The following SCAMP1 variants were observed in gnomAD, a reference collection of about 807,000 sequenced individuals.
SCAMP1 encodes the protein secretory carrier membrane protein 1, also known as secretory carrier-associated membrane protein 1.
A neutral mutation model predicts 41.8 loss-of-function variants in SCAMP1; 15 were observed. The ratio of observed to expected loss-of-function variants is 0.36; its 90% confidence interval spans 0.24 to 0.55. The LOEUF is 0.55. Ranked by LOEUF, SCAMP1 falls within the 20% of genes least tolerant of loss-of-function variation. SCAMP1 has a pLI of 0.86. For missense variants in SCAMP1, 341 were observed against 412.6 expected, an observed-to-expected ratio of 0.83 and a Z score of 1.50; for synonymous variants, 135 against 136.8, an observed-to-expected ratio of 0.99 and a Z score of 0.09.
chr5:78,412,366 G>C (rs996578697), intron 2 of SCAMP1, among the ~76,000 whole-genome samples: 3 of 150,546 alleles, frequency 2.0e-5, no homozygotes, highest in African/African-American at 7.3e-5. Flanking sequence ...CTTTATAGTT[G>C]TTTTTTGTCT....
intron 1 of SCAMP1, among the ~76,000 whole-genome samples, chr5:78,367,751 C>G (rs1750835474): frequency 6.6e-6 from 1 of 152,190 alleles, no homozygotes. Context: ...ACTAGACACT[C>G]CCATTCAAAT....
intron 2 of SCAMP1, among the ~76,000 whole-genome samples, chr5:78,414,926 A>G (rs1409841639): frequency 6.7e-6 from 1 of 149,712 alleles, no homozygotes; most frequent in African/African-American, 2.5e-5. Flanking sequence ...GTCTGGTTCT[A>G]TCTGTATTTT....
chr5:78,386,728 G>A (rs1751350996), intron 1 of SCAMP1, among the ~76,000 whole-genome samples: 1 of 152,024 alleles, frequency 6.6e-6, no homozygotes, highest in Admixed American at 6.6e-5. Flanking sequence ...GCTTAGTTTT[G>A]CTGGATACAG....
At chr5:78,368,622 T>C (rs1750858731) in intron 1 of SCAMP1, among the ~76,000 whole-genome samples, 1 of 152,196 alleles carries the variant, frequency 6.6e-6, no homozygotes. Context: ...TTCTTCTCAA[T>C]TGCAAGTGCA....
At chr5:78,382,500 G>A (rs1167773408) in intron 1 of SCAMP1, among the ~76,000 whole-genome samples, 2 of 152,104 alleles carry the variant, frequency 1.3e-5, no homozygotes, top group Non-Finnish European at 2.9e-5. Flanking sequence ...TGATTTCTGA[G>A]ATTTTGGTGC....
chr5:78,429,996 T>C (rs1415971482), intron 6 of SCAMP1, among the ~76,000 whole-genome samples: 2 of 151,544 alleles, frequency 1.3e-5, no homozygotes, highest in African/African-American at 2.4e-5. Flanking sequence ...GATTTTAGGT[T>C]AGACTAGTAT....
intron 1 of SCAMP1, among the ~76,000 whole-genome samples, chr5:78,381,819 G>A (rs1336480673): frequency 6.6e-6 from 1 of 152,194 alleles, no homozygotes; most frequent in Non-Finnish European, 1.5e-5. Flanking sequence ...TTTCTCATAT[G>A]AATTTATAAG....
At chr5:78,375,423 A>G (rs1381601497) in intron 1 of SCAMP1, among the ~76,000 whole-genome samples, 2 of 152,090 alleles carry the variant, frequency 1.3e-5, no homozygotes, top group Admixed American at 6.5e-5. Flanking sequence ...AAGAAAAGAT[A>G]CAGAACCCAA....
At chr5:78,408,662 A>G (rs1382042828) in intron 2 of SCAMP1, among the ~76,000 whole-genome samples, 1 of 152,104 alleles carries the variant, frequency 6.6e-6, no homozygotes, top group African/African-American at 2.4e-5. Flanking sequence ...GTGTAGTGGC[A>G]TGATCTTGGC....
chr5:78,422,441 A>G (rs1752360842), intron 6 of SCAMP1, among the ~76,000 whole-genome samples: 1 of 152,132 alleles, frequency 6.6e-6, no homozygotes, highest in Admixed American at 6.5e-5. Flanking sequence ...TTTCAAAGGC[A>G]GCACCATTTT....
rs3058233 is a variant in SCAMP1, at chr5:78,404,453, G to GTTTTTTTTTTTTTTTTTTTTTTTTTT, written c.136-11047_136-11046insTTTTTTTTTTTTTTTTTTTTTTTTTT. ...TGAGCCACTGTGCCCAGCCTTACAGGTTTTTTTTTTTTTTTTTTTTGCTAG... is the reference window on the plus strand; with the variant it reads ...TGAGCCACTGTGCCCAGCCTTACAGGTTTTTTTTTTTTTTTTTTTTTTTTTTTTTTTTTTTTTTTTTTTTTTGCTAG... On this transcript the variant is annotated intron_variant, in intron 2 of 8. Transcript: ENST00000621999. Among the ~76,000 whole-genome samples, 13 of 98,176 alleles carry GTTTTTTTTTTTTTTTTTTTTTTTTTT rather than the reference G, an allele frequency of 1.3e-4. 2 individuals are homozygous for GTTTTTTTTTTTTTTTTTTTTTTTTTT. Among genetic ancestry groups the GTTTTTTTTTTTTTTTTTTTTTTTTTT allele is most frequent in the African/African-American group, 5.4e-4 (12 of 22,234 alleles). The allele number at this position is 98,176 out of a possible 152,430, so 64.4% of individuals were successfully genotyped here.
chr5:78,361,581 A>C (rs1217893993), intron 1 of SCAMP1, among the ~76,000 whole-genome samples: 1 of 152,234 alleles, frequency 6.6e-6, no homozygotes, highest in African/African-American at 2.4e-5. Flanking sequence ...CCTGCAAAGG[A>C]AGGCGGCTGA....
At chr5:78,417,589 C>G (rs1424867659) in intron 4 of SCAMP1, among the ~76,000 whole-genome samples, 2 of 152,106 alleles carry the variant, frequency 1.3e-5, no homozygotes, top group Admixed American at 1.3e-4. Flanking sequence ...AGTACTTTTC[C>G]CCTCTTAACT....
At chr5:78,422,284 A>G (rs951166537) in intron 6 of SCAMP1, among the ~76,000 whole-genome samples, 4 of 148,722 alleles carry the variant, frequency 2.7e-5, no homozygotes. Context: ...TGCCCACCCC[A>G]CCTCCCAAAT....
intron 6 of SCAMP1, among the ~76,000 whole-genome samples, chr5:78,425,314 C>T (rs1752442381): frequency 6.6e-6 from 1 of 152,104 alleles, no homozygotes; most frequent in Non-Finnish European, 1.5e-5. Context: ...GAACTGTGAG[C>T]CCACTGGTCA....
intron 2 of SCAMP1, among the ~76,000 whole-genome samples, chr5:78,391,502 C>T (rs1427314863): frequency 2.0e-5 from 3 of 150,358 alleles, no homozygotes; most frequent in Non-Finnish European, 3.0e-5. Context: ...AGGGCGGAGA[C>T]GCTCCTCACT....
At chr5:78,400,193 A>G (rs913074334) in intron 2 of SCAMP1, among the ~76,000 whole-genome samples, 3 of 152,188 alleles carry the variant, frequency 2.0e-5, no homozygotes, top group African/African-American at 4.8e-5. Flanking sequence ...ATGTGGGTCT[A>G]TTTTTGGGCT....
intron 2 of SCAMP1, among the ~76,000 whole-genome samples, chr5:78,402,765 G>A (rs1049580535): frequency 1.3e-5 from 2 of 151,798 alleles, no homozygotes; most frequent in Non-Finnish European, 2.9e-5. Flanking sequence ...AGTGCCTTGA[G>A]ACCGTTGATG....
At chr5:78,432,033 G>A (rs1016843613) in intron 6 of SCAMP1, among the ~76,000 whole-genome samples, 5 of 151,892 alleles carry the variant, frequency 3.3e-5, no homozygotes, top group Non-Finnish European at 2.9e-5. Flanking sequence ...TCACCCTGTC[G>A]TGCTATCAAA....
Sources: gnomAD v4.1 joint callset for allele counts (sites outside exome capture counted in the v4.1 genomes callset) on GRCh38, gnomAD v4.1.1 for gene constraint, MANE v1.5 for transcripts, NCBI Gene and HGNC (gene_info 2026-07-23, HGNC 2026-07-21) for gene names.